Variants in MELK observed in about 807,000 individuals in gnomAD.
MELK encodes the protein maternal embryonic leucine zipper kinase, also known as pEg3 kinase.
In MELK, 81 loss-of-function variants were observed where a neutral mutation model predicts 85.0. The observed-to-expected ratio is 0.95, with a 90% CI of 0.80 to 1.15. MELK has a LOEUF of 1.15. Among genes scored for constraint, MELK ranks in the 50% most tolerant of loss-of-function variants. The probability of loss-of-function intolerance (pLI) is 0.00; values close to 1 mark genes in which losing one functional copy is unlikely to be tolerated. For missense variants in MELK, 754 were observed against 777.5 expected (o/e 0.97, Z 0.36); for synonymous variants, 252 against 265.0 (o/e 0.95, Z 0.48).
At chr9:36,630,812 C>T (rs1828504888) in intron 9 of MELK, among the ~76,000 whole-genome samples, 1 of 151,918 alleles carries the variant, frequency 6.6e-6, no homozygotes, top group Admixed American at 6.6e-5. Context: ...AACCACCATG[C>T]CTGGCTAATT....
At chr9:36,604,667 AG>A (rs1415416468) in intron 7 of MELK, among the ~76,000 whole-genome samples, 6 of 151,130 alleles carry the variant, frequency 4.0e-5, no homozygotes, top group Non-Finnish European at 2.9e-5. Flanking sequence ...TTTTTGAGAC[AG>A]GGTCTCACTC....
rs1178731441 is a variant in MELK at position 36,671,001 on chromosome 9, CCGCT to C, written c.1511_1514del (p.Arg504GlnfsTer53). On this transcript the variant is annotated frameshift_variant, in exon 16 of 18. Coordinates refer to ENST00000298048, the MANE Select transcript of MELK (RefSeq NM_014791.4). LOFTEE classifies it high-confidence loss of function. The stretch of plus-strand genomic sequence containing the variant: ...CTTGTTTTATGTTTTGTTTCAGGTG[CCGCT>C]CAGTGGAATTGGATCTCAACCAAGC... 1.2e-6 allele frequency: 2 copies of C among 1,605,620 alleles called. No homozygotes were observed. The highest frequency in any genetic ancestry group is 1.7e-6 in the Non-Finnish European group (2 of 1,176,838).
chr9:36,633,137 A>T lies in MELK; in HGVS notation c.771A>T (p.Leu257=). ...DPKKRISMKN[L]LNHPWIMQDY... ...AGAAACGGATTTCTATGAAAAATCT[A>T]TTGAACCATCCCTGGATCATGCAAG... The change falls in exon 10 of 18, where the codon CTA becomes CTT. Residue 257 remains leucine (L), a synonymous_variant. Transcript: ENST00000298048. 6.2e-7 allele frequency: 1 copy of T among 1,610,556 alleles called. No homozygotes were observed. The highest frequency in any genetic ancestry group is 8.5e-7 in the Non-Finnish European group (1 of 1,179,280).
intron 8 of MELK, among the ~76,000 whole-genome samples, chr9:36,611,752 CTAT>C (rs761980953): frequency 0.012 from 1,695 of 145,376 alleles, 14 homozygotes; most frequent in Non-Finnish European, 0.014. Context: ...ATAAATGTAG[CTAT>C]TATTATTATT....
intron 16 of MELK, 28 bp from the exon 17 acceptor site, chr9:36,674,806 T>C (rs974754588): frequency 1.7e-5 from 24 of 1,388,974 alleles, no homozygotes; most frequent in Non-Finnish European, 2.3e-5. Flanking sequence ...AAAAATTTAC[T>C]TCTCATCTCT....
At chr9:36,640,844 A>G (rs559484722) in intron 10 of MELK, among the ~76,000 whole-genome samples, 5 of 152,272 alleles carry the variant, frequency 3.3e-5, no homozygotes, top group South Asian at 2.1e-4. Flanking sequence ...TCCTAATACT[A>G]TTACACTAGT....
chr9:36,601,763 CCTTCTGT>C (rs1053880520), intron 7 of MELK, among the ~76,000 whole-genome samples: 2 of 152,150 alleles, frequency 1.3e-5, no homozygotes, highest in Admixed American at 1.3e-4. Context: ...TACCCTTCTG[CCTTCTGT>C]CTCTATGAAT....
chr9:36,617,820 C>T (rs1826997286), intron 8 of MELK, among the ~76,000 whole-genome samples: 2 of 152,100 alleles, frequency 1.3e-5, no homozygotes, highest in African/African-American at 4.8e-5. Context: ...ATTCTGGATT[C>T]TGGATTTTAA....
intron 16 of MELK, among the ~76,000 whole-genome samples, chr9:36,673,440 A>G (rs1368628466): frequency 1.3e-5 from 2 of 152,044 alleles, no homozygotes; most frequent in Non-Finnish European, 2.9e-5. Flanking sequence ...TTTGTTGTTA[A>G]TTTTTTGAGG....
chr9:36,629,832 G>A (rs965945771), intron 8 of MELK, among the ~76,000 whole-genome samples: 2 of 149,800 alleles, frequency 1.3e-5, no homozygotes, highest in Admixed American at 6.7e-5. Flanking sequence ...TTTTCTTTAA[G>A]GCAAGAAATT....
At position 36,619,799 on chromosome 9, in the gene MELK, G is replaced by C. The variant is rs554541412; in HGVS notation, c.667-10500G>C. Among the ~76,000 whole-genome samples, 7 of 152,250 alleles carry C rather than the reference G, an allele frequency of 4.6e-5. No homozygotes were observed. The East Asian group carries it at 1.3e-3, about 29-fold the overall frequency. On this transcript the variant is annotated intron_variant, in intron 8 of 17. Transcript: ENST00000298048. Reference sequence around the variant, plus strand: ...GAGCATCTGCAGCAGTCTTTTGGTGGTTTAATTCTTTCTGCTTTTTTCTCT... The same window carrying C: ...GAGCATCTGCAGCAGTCTTTTGGTGCTTTAATTCTTTCTGCTTTTTTCTCT...
At chr9:36,639,860 A>ATT (rs149698267) in intron 10 of MELK, among the ~76,000 whole-genome samples, 1 of 150,088 alleles carries the variant, frequency 6.7e-6, no homozygotes, top group East Asian at 2.0e-4. Context: ...TTAAAAAAAT[A>ATT]TTTTTTTTTT....
chr9:36,609,447 C>CTTTTT (rs58390406), intron 8 of MELK, among the ~76,000 whole-genome samples: 2 of 132,748 alleles, frequency 1.5e-5, no homozygotes, highest in African/African-American at 2.8e-5. Flanking sequence ...CTTTCTTCTT[C>CTTTTT]TTTTTTTTTT....
At chr9:36,604,372 G>C (rs1564148890) in intron 7 of MELK, among the ~76,000 whole-genome samples, 1 of 147,178 alleles carries the variant, frequency 6.8e-6, no homozygotes, top group South Asian at 2.2e-4. Flanking sequence ...TCTGCCTCCC[G>C]GGTTCAGGCG....
intron 10 of MELK, 139 bp downstream of exon 10, chr9:36,633,339 T>G (rs1181133304): frequency 1.7e-6 from 1 of 603,504 alleles, no homozygotes; most frequent in Admixed American, 3.6e-5. Flanking sequence ...TGTAACCTAA[T>G]GGACAGTGGT....
intron 8 of MELK, among the ~76,000 whole-genome samples, chr9:36,613,201 G>T (rs1392753230): frequency 6.6e-6 from 1 of 152,212 alleles, no homozygotes. Flanking sequence ...ACCTGAAATG[G>T]TTTTCTCCCG....
At chr9:36,588,112 G>C (rs1823132221) in intron 3 of MELK, among the ~76,000 whole-genome samples, 1 of 150,898 alleles carries the variant, frequency 6.6e-6, no homozygotes, top group African/African-American at 2.4e-5. Flanking sequence ...TGTTTCCCAG[G>C]CTGGATCGAT....
chr9:36,671,160 A>G lies in MELK; in HGVS notation c.1668A>G (p.Arg556=), dbSNP rs753568176. Residue 556 remains arginine (R), a synonymous_variant, in exon 16 of 18, where the codon AGA becomes AGG. Coordinates refer to ENST00000298048, the MANE Select transcript of MELK (RefSeq NM_014791.4). ...GTTCTGCCAGAGACGGGCCCAGAAG[A>G]CTAAAGGTAAGCAGGCTGGAATTCT... is the stretch of plus-strand genomic sequence containing the variant. ...RKGSARDGPR[R]LKLHYNVTTT... 6.3e-7 allele frequency: 1 copy of G among 1,592,210 alleles called. No homozygotes were observed. Among genetic ancestry groups the G allele is most frequent in the South Asian group, 1.2e-5 (1 of 86,952 alleles).
intron 9 of MELK, among the ~76,000 whole-genome samples, chr9:36,632,809 CA>C (rs1325389327): frequency 6.6e-6 from 1 of 152,160 alleles, no homozygotes; most frequent in African/African-American, 2.4e-5. Flanking sequence ...GGTTTTCCAG[CA>C]AAAGACTATT....
Sources: gnomAD v4.1 joint callset for allele counts (sites outside exome capture counted in the v4.1 genomes callset) on GRCh38, gnomAD v4.1.1 for gene constraint, MANE v1.5 for transcripts, NCBI Gene and HGNC (gene_info 2026-07-23, HGNC 2026-07-21) for gene names.